TNFSF8: variants seen among roughly 807,000 people sequenced by gnomAD.
TNFSF8 encodes tumor necrosis factor ligand superfamily member 8.
In TNFSF8, 4 loss-of-function variants were observed where a neutral mutation model predicts 22.0. The observed-to-expected ratio is 0.18, with a 90% CI of 0.09 to 0.42. The LOEUF (loss-of-function observed/expected upper bound fraction) is 0.42, where lower values mean the gene tolerates loss of function less well. TNFSF8 is among the 10% of genes least tolerant of loss of function. The pLI, the probability that TNFSF8 is intolerant of heterozygous loss-of-function variation, is 1.00. For missense variants in TNFSF8, 233 were observed against 281.8 expected (o/e 0.83, Z 1.24); for synonymous variants, 106 against 112.5 (o/e 0.94, Z 0.37).
intron 2 of TNFSF8, among the ~76,000 whole-genome samples, chr9:114,910,060 T>G (rs938343947): frequency 2.0e-5 from 3 of 152,206 alleles, no homozygotes; most frequent in Non-Finnish European, 4.4e-5. Context: ...ACCCTAGCAC[T>G]GCCTGAACTT....
chr9:114,918,450 G>C, intron 1 of TNFSF8, among the ~76,000 whole-genome samples: 1 of 133,770 alleles, frequency 7.5e-6, no homozygotes. Flanking sequence ...ACCAGAGCTG[G>C]GACTTTTTTT....
chr9:114,924,330 TCAAA>T (rs977514916), intron 1 of TNFSF8, among the ~76,000 whole-genome samples: 17 of 152,142 alleles, frequency 1.1e-4, no homozygotes, highest in African/African-American at 3.9e-4. Context: ...CTAGATTGGT[TCAAA>T]CAAACAAAAA....
rs546276681 is a variant in TNFSF8 at position 114,913,990 on chromosome 9, T to C, written c.238+4106A>G. ...AGCTATCATTTGGTGGGGTGATTTG[T>C]TATAAAAAGGGCCAGGGTATATTGA... On this transcript the variant is annotated intron_variant, in intron 2 of 3. Transcript: ENST00000223795. Among the ~76,000 whole-genome samples the C allele has an allele frequency of 2.0e-5, 3 of 152,266 alleles. No individual in the cohort carries two copies. In the South Asian group the frequency reaches 6.2e-4, roughly 32 times the overall value.
chr9:114,904,432 G>A (rs1827759744), intron 3 of TNFSF8, 107 bp from the exon 4 acceptor site: 2 of 1,436,990 alleles, frequency 1.4e-6, no homozygotes, highest in Non-Finnish European at 1.9e-6. Flanking sequence ...CATGTTTTCT[G>A]TAATGTTCCA....
chr9:114,903,747 T>A lies in TNFSF8; in HGVS notation c.*184A>T. Reference sequence around the variant, plus strand: ...CCCTGCCTGCTATCTGAAAGATACTTCACTAAAAACTCTCTTTTTAACCCT... The same window carrying A: ...CCCTGCCTGCTATCTGAAAGATACTACACTAAAAACTCTCTTTTTAACCCT... On this transcript the variant is annotated 3_prime_UTR_variant, in exon 4 of 4. Transcript: ENST00000223795. 7.4e-7 allele frequency: 1 copy of A among 1,359,992 alleles called. No homozygotes were observed. The allele number at this position is 1,359,992 out of a possible 1,614,324, so 84.2% of individuals were successfully genotyped here. A position where few individuals can be genotyped will look rare whatever the true frequency, so the allele number is the denominator to read the frequency against.
At chr9:114,906,303 C>G (rs1237286569) in intron 2 of TNFSF8, among the ~76,000 whole-genome samples, 1 of 152,216 alleles carries the variant, frequency 6.6e-6, no homozygotes, top group Non-Finnish European at 1.5e-5. Context: ...AGGTGAAATA[C>G]ATTGTTTCGT....
intron 1 of TNFSF8, among the ~76,000 whole-genome samples, chr9:114,922,486 C>A (rs1406492215): frequency 2.6e-5 from 4 of 152,064 alleles, no homozygotes; most frequent in Non-Finnish European, 5.9e-5. Context: ...TAACTTGACC[C>A]CAAGAGTTAC....
intron 2 of TNFSF8, among the ~76,000 whole-genome samples, chr9:114,914,599 CAG>C (rs1827895349): frequency 6.6e-6 from 1 of 152,196 alleles, no homozygotes; most frequent in Non-Finnish European, 1.5e-5. Flanking sequence ...TATGAAAGAA[CAG>C]AGTGGATCCT....
chr9:114,904,477 AGTC>A (rs1391169082), intron 3 of TNFSF8, 152 bp from the exon 4 acceptor site: 1 of 1,177,836 alleles, frequency 8.5e-7, no homozygotes, highest in Non-Finnish European at 1.2e-6. Flanking sequence ...CTCCCTCTAG[AGTC>A]TACTTATTAC....
intron 2 of TNFSF8, among the ~76,000 whole-genome samples, chr9:114,908,515 C>T (rs1046081148): frequency 4.6e-5 from 7 of 152,276 alleles, no homozygotes; most frequent in Non-Finnish European, 8.8e-5. Context: ...CCCCTTATGG[C>T]AGGTGAGCCT....
At chr9:114,894,198 C>T (rs1367369841) in intron 4 of TNFSF8, 9 of 1,502,016 alleles carry the variant, frequency 6.0e-6, no homozygotes, top group African/African-American at 2.8e-5. Flanking sequence ...TTGTAGATAT[C>T]GGCAGGAGAG....
chr9:114,912,522 T>G (rs549322805), intron 2 of TNFSF8, among the ~76,000 whole-genome samples: 19 of 152,346 alleles, frequency 1.2e-4, no homozygotes, highest in African/African-American at 4.3e-4. Context: ...CTTGAGTAGC[T>G]GGGACTACAG....
chr9:114,905,703 A>T, intron 3 of TNFSF8, 125 bp downstream of exon 3: 2 of 776,750 alleles, frequency 2.6e-6, no homozygotes, highest in South Asian at 2.9e-5. Context: ...CTGCAGACTA[A>T]ACAGTACACA....
chr9:114,903,776 G>A lies in TNFSF8; in HGVS notation c.*155C>T. The A allele has an allele frequency of 7.1e-7, 1 of 1,408,812 alleles. No homozygotes were observed. The highest frequency in any genetic ancestry group is 9.2e-7 in the Non-Finnish European group (1 of 1,088,054). 87.3% of individuals were successfully genotyped at this position (1,408,812 alleles called of 1,614,324 possible). ...TAAAAACTCTCTTTTTAACCCTGGA[G>A]CTGTATCTTTCCAAGAGACAGAAGG... On this transcript the variant is annotated 3_prime_UTR_variant, in exon 4 of 4. Transcript: ENST00000223795.
At chr9:114,920,329 A>G (rs1827972031) in intron 1 of TNFSF8, among the ~76,000 whole-genome samples, 1 of 152,216 alleles carries the variant, frequency 6.6e-6, no homozygotes, top group African/African-American at 2.4e-5. Flanking sequence ...TAGAATAGCA[A>G]ACCTGGTACA....
chr9:114,915,544 T>C (rs908860799), intron 2 of TNFSF8, among the ~76,000 whole-genome samples: 3 of 152,180 alleles, frequency 2.0e-5, no homozygotes, highest in Non-Finnish European at 4.4e-5. Context: ...TGGCATCTCA[T>C]GGTGGAAGCC....
chr9:114,915,186 C>A (rs1216036592), intron 2 of TNFSF8, among the ~76,000 whole-genome samples: 1 of 152,194 alleles, frequency 6.6e-6, no homozygotes, highest in Non-Finnish European at 1.5e-5. Context: ...TTTACTGCTT[C>A]TGTGCCTGTT....
chr9:114,920,905 G>A (rs1304617069), intron 1 of TNFSF8, among the ~76,000 whole-genome samples: 3 of 152,132 alleles, frequency 2.0e-5, no homozygotes, highest in African/African-American at 4.8e-5. Context: ...CTGACCTCTT[G>A]TGATCTGCCC....
intron 2 of TNFSF8, among the ~76,000 whole-genome samples, chr9:114,908,145 T>C (rs780132753): frequency 1.3e-5 from 2 of 152,230 alleles, no homozygotes; most frequent in Non-Finnish European, 2.9e-5. Flanking sequence ...CTTTGCCTAT[T>C]TGCCCATTCT....
Sources: gnomAD v4.1 joint callset for allele counts (sites outside exome capture counted in the v4.1 genomes callset) on GRCh38, gnomAD v4.1.1 for gene constraint, MANE v1.5 for transcripts, NCBI Gene and HGNC (gene_info 2026-07-23, HGNC 2026-07-21) for gene names.